The following DDHD1 variants were observed in gnomAD, a reference collection of about 807,000 sequenced individuals.
DDHD1 encodes phospholipase DDHD1.
In DDHD1, 49 loss-of-function variants were observed where a neutral mutation model predicts 96.4. The ratio of observed to expected loss-of-function variants is 0.51; its 90% CI spans 0.40 to 0.64. DDHD1 has a LOEUF of 0.64. DDHD1 is among the 30% of genes least tolerant of loss of function. The probability of loss-of-function intolerance (pLI) is 0.00; values close to 1 mark genes in which losing one functional copy is unlikely to be tolerated. For synonymous variants in DDHD1, 442 were observed against 446.5 expected, an observed-to-expected ratio of 0.99 and a Z score of 0.13; for missense variants, 1,106 against 1,161.2, an observed-to-expected ratio of 0.95 and a Z score of 0.69.
At chr14:53,055,581 T>C (rs192027189) in intron 10 of DDHD1, 79 bp downstream of exon 10, 153 of 1,361,882 alleles carry the variant, frequency 1.1e-4, no homozygotes, top group South Asian at 1.3e-4. Context: ...TCCTAATACA[T>C]AGAATACTTC....
At chr14:53,130,138 T>C (rs899406949) in intron 1 of DDHD1, among the ~76,000 whole-genome samples, 3 of 152,232 alleles carry the variant, frequency 2.0e-5, no homozygotes, top group African/African-American at 7.2e-5. Context: ...CAATTCTTCC[T>C]TGGCCTCTGC....
intron 4 of DDHD1, among the ~76,000 whole-genome samples, chr14:53,088,912 T>C (rs1293997416): frequency 2.0e-5 from 3 of 152,070 alleles, no homozygotes; most frequent in Non-Finnish European, 2.9e-5. Flanking sequence ...GATTGTATAT[T>C]TAGAAAACCC....
intron 6 of DDHD1, among the ~76,000 whole-genome samples, chr14:53,072,039 A>T (rs1390652690): frequency 6.6e-6 from 1 of 152,130 alleles, no homozygotes; most frequent in Non-Finnish European, 1.5e-5. Flanking sequence ...AATAAGGGTT[A>T]AACAAGTTCA....
At chr14:53,150,340 A>G (rs1272196129) in intron 1 of DDHD1, among the ~76,000 whole-genome samples, 10 of 152,198 alleles carry the variant, frequency 6.6e-5, no homozygotes, top group Admixed American at 4.6e-4. Context: ...TGCATACTGC[A>G]CTGTATTCCC....
intron 1 of DDHD1, among the ~76,000 whole-genome samples, chr14:53,139,812 T>C (rs1469172821): frequency 1.5e-5 from 2 of 130,406 alleles, no homozygotes; most frequent in East Asian, 4.5e-4. Context: ...ACAAAGAAGA[T>C]GGGAAAAACC....
At chr14:53,047,282 TA>T (rs2139807737) in intron 12 of DDHD1, among the ~76,000 whole-genome samples, 1 of 152,322 alleles carries the variant, frequency 6.6e-6, no homozygotes, top group South Asian at 2.1e-4. Context: ...TCCTTGTGCC[TA>T]ATCTATAAAA....
intron 1 of DDHD1, among the ~76,000 whole-genome samples, chr14:53,107,354 C>A (rs535126899): frequency 1.3e-5 from 2 of 152,256 alleles, no homozygotes; most frequent in South Asian, 2.1e-4. Context: ...GATCTGATAA[C>A]CAAGACAGCT....
intron 10 of DDHD1, 136 bp downstream of exon 10, chr14:53,055,524 T>C (rs1044222375): frequency 5.2e-5 from 43 of 833,660 alleles, no homozygotes; most frequent in Middle Eastern, 3.2e-4. Flanking sequence ...AATATGAACA[T>C]TGGGAGGGTA....
At chr14:53,106,370 T>C (rs1887686686) in intron 1 of DDHD1, among the ~76,000 whole-genome samples, 1 of 152,190 alleles carries the variant, frequency 6.6e-6, no homozygotes, top group Non-Finnish European at 1.5e-5. Flanking sequence ...CTTTGAATAT[T>C]GTTCTAGGCC....
intron 4 of DDHD1, among the ~76,000 whole-genome samples, chr14:53,084,688 C>T (rs1350295759): frequency 2.0e-5 from 3 of 152,132 alleles, no homozygotes; most frequent in Non-Finnish European, 4.4e-5. Flanking sequence ...CAGCTCTGGT[C>T]TGCAGCTCCC....
intron 4 of DDHD1, among the ~76,000 whole-genome samples, chr14:53,078,674 T>G (rs1394493341): frequency 6.6e-6 from 1 of 152,184 alleles, no homozygotes; most frequent in East Asian, 1.9e-4. Context: ...ATCTCTTCCA[T>G]ACTAATCTAG....
rs1302406865 is a variant in DDHD1, at chr14:53,152,553, G to A, written c.546C>T (p.Phe182=). 1 of 1,613,958 alleles carries A rather than the reference G, an allele frequency of 6.2e-7. No homozygotes were observed. The highest frequency in any genetic ancestry group is 1.1e-5 in the South Asian group (1 of 91,088). Residue 182 remains phenylalanine (F), a synonymous_variant, in exon 1 of 13, where the codon TTC becomes TTT. Coordinates refer to ENST00000673822, the MANE Select transcript of DDHD1 (RefSeq NM_001160148.2). ...CGATGCGGAGCGAGTCGTAGCCGAT[G>A]AAGGGCTTCCAGGTCTTCTTGTCCT... ...YKEDKKTWKP[F]IGYDSLRIEL...
At position 53,044,344 on chromosome 14, in the gene DDHD1, C is replaced by T. The variant is rs1339230208; in HGVS notation, c.*2424G>A. 1 of 152,096 alleles carries T rather than the reference C, an allele frequency of 6.6e-6. No individual in the cohort carries two copies. Among genetic ancestry groups the T allele is most frequent in the Non-Finnish European group, 1.5e-5 (1 of 68,016 alleles). The allele number at this position is 152,096 out of a possible 1,614,324, so 9.4% of individuals were successfully genotyped here. A position where few individuals can be genotyped will look rare whatever the true frequency, so the allele number is the denominator to read the frequency against. On this transcript the variant is annotated 3_prime_UTR_variant, in exon 13 of 13. Coordinates refer to ENST00000673822, the MANE Select transcript of DDHD1 (RefSeq NM_001160148.2). ...CTCAACATGAAAAAAAGGAAGCAGA[C>T]ATATTCCTATGGCTATAGGAACATA...
chr14:53,119,382 A>G (rs568989932), intron 1 of DDHD1, among the ~76,000 whole-genome samples: 1 of 152,152 alleles, frequency 6.6e-6, no homozygotes, highest in Non-Finnish European at 1.5e-5. Context: ...TTGGATAAAG[A>G]GTCAAGGTAC....
chr14:53,072,618 A>G lies in DDHD1; in HGVS notation c.1482T>C (p.Thr494=). 6.3e-7 allele frequency: 1 copy of G among 1,594,220 alleles called. No individual in the cohort carries two copies. Among genetic ancestry groups the G allele is most frequent in the South Asian group, 1.1e-5 (1 of 87,730 alleles). The part of the protein sequence containing the change: ...NSSAMDIMYY[T]SPLYRDELVK... ...TTACTTCATCTCTATAAAGTGGACT[A>G]GTATAATACATTATGTCCATTGCAC... Residue 494 remains threonine (T), a synonymous_variant, in exon 6 of 13, where the codon ACT becomes ACC. Coordinates refer to ENST00000673822, the MANE Select transcript of DDHD1 (RefSeq NM_001160148.2).
chr14:53,127,192 G>A (rs1889517876), intron 1 of DDHD1, among the ~76,000 whole-genome samples: 1 of 152,202 alleles, frequency 6.6e-6, no homozygotes, highest in Non-Finnish European at 1.5e-5. Flanking sequence ...ATAAAGTTGA[G>A]TGAGGAAATT....
intron 3 of DDHD1, 32 bp from the exon 4 acceptor site, chr14:53,091,964 T>C: frequency 6.4e-7 from 1 of 1,571,112 alleles, no homozygotes; most frequent in Non-Finnish European, 8.7e-7. Context: ...AAGTTTACTA[T>C]TTAATCTGAG....
In DDHD1 at chr14:53,147,943, C is replaced by T. The variant is rs138373323; in HGVS notation, c.838+4318G>A. Among the ~76,000 whole-genome samples, 1,001 of 152,196 alleles carry T rather than the reference C, an allele frequency of 6.6e-3. 13 individuals carry two copies. The highest frequency in any genetic ancestry group is 0.022 in the African/African-American group (929 of 41,514). Reference sequence around the variant, plus strand: ...CAAAGGATTGTTATTATGAATAACACGGTCACATCTACACCAAGTTTGTAA... The same window carrying T: ...CAAAGGATTGTTATTATGAATAACATGGTCACATCTACACCAAGTTTGTAA... On this transcript the variant is annotated intron_variant, in intron 1 of 12. Coordinates refer to ENST00000673822, the MANE Select transcript of DDHD1 (RefSeq NM_001160148.2).
rs566788424 is a variant in DDHD1, at chr14:53,152,180, G to A, written c.838+81C>T. ...CCTCACGCGCCTCCCTCTTCGCGGCGACCAGTCCCAAACCCACACCGGTGC... is the reference window on the plus strand; with the variant it reads ...CCTCACGCGCCTCCCTCTTCGCGGCAACCAGTCCCAAACCCACACCGGTGC... On this transcript the variant is annotated intron_variant, in intron 1 of 12. Coordinates refer to ENST00000673822, the MANE Select transcript of DDHD1 (RefSeq NM_001160148.2). The A allele has an allele frequency of 6.6e-5, 91 of 1,384,868 alleles. No homozygotes were observed. In the African/African-American group the frequency reaches 1.2e-3, roughly 18 times the overall value. 85.8% of individuals were successfully genotyped at this position (1,384,868 alleles called of 1,614,324 possible). A position where few individuals can be genotyped will look rare whatever the true frequency, so the allele number is the denominator to read the frequency against.
Sources: allele counts gnomAD v4.1 joint callset (sites outside exome capture counted in the v4.1 genomes callset), GRCh38; gene constraint gnomAD v4.1.1; transcripts MANE v1.5; gene names NCBI Gene and HGNC (gene_info 2026-07-23, HGNC 2026-07-21).